Variants in CCDC33 observed in about 807,000 individuals in gnomAD.
CCDC33 encodes the protein coiled-coil domain-containing protein 33.
A neutral mutation model predicts 91.9 loss-of-function variants in CCDC33; 94 were observed. That is an observed-to-expected ratio of 1.02 (90% CI 0.87 to 1.21). The LOEUF is 1.21. Ranked by LOEUF, CCDC33 falls within the 50% of genes most tolerant of loss-of-function variation. The pLI is 0.00. For synonymous variants in CCDC33, 396 were observed against 374.5 expected (o/e 1.06, Z -0.66); for missense variants, 940 against 935.5 (o/e 1.00, Z -0.06).
intron 17 of CCDC33, among the ~76,000 whole-genome samples, chr15:74,334,498 C>A (rs536758608): frequency 6.9e-6 from 1 of 144,732 alleles, no homozygotes; most frequent in African/African-American, 2.9e-5. Context: ...CAGTATACAA[C>A]CAGGGTCAGG....
chr15:74,215,539 T>C (rs1020558949), upstream of CCDC33, among the ~76,000 whole-genome samples: 12 of 152,074 alleles, frequency 7.9e-5, no homozygotes, highest in African/African-American at 2.7e-4. Flanking sequence ...TGTATTTGAC[T>C]ACAATTTTTT....
chr15:74,240,141 G>A (rs890497437), intron 1 of CCDC33, among the ~76,000 whole-genome samples: 7 of 152,232 alleles, frequency 4.6e-5, no homozygotes, highest in African/African-American at 1.2e-4. Context: ...ACCAGGAGGC[G>A]CCAGCCTGGC....
chr15:74,312,235 G>A (rs374673438), intron 11 of CCDC33, among the ~76,000 whole-genome samples: 47 of 152,280 alleles, frequency 3.1e-4, no homozygotes, highest in Non-Finnish European at 5.4e-4. Context: ...GCCTCTGCTC[G>A]TTCCTCGGAG....
intron 8 of CCDC33, 61 bp from the exon 9 acceptor site, chr15:74,280,607 T>G: frequency 1.4e-6 from 2 of 1,421,016 alleles, no homozygotes; most frequent in Non-Finnish European, 1.9e-6. Context: ...ATGTCAGGTA[T>G]TAAAGGATGG....
intron 1 of CCDC33, chr15:74,243,667 C>T (rs1418910181): frequency 8.6e-6 from 4 of 466,346 alleles, no homozygotes; most frequent in Non-Finnish European, 1.3e-5. Flanking sequence ...GCAGAGGAGG[C>T]CACTCAGGGC....
In CCDC33 at chr15:74,209,631, C is replaced by A. The variant is rs2074339266; in HGVS notation, n.236+97C>A. ...GACAGGCTGGGGTTCTGGAGTCCTG[C>A]TCTTCACCCCAAGTACATGCCTGCA... On this transcript the variant is annotated intron_variant and non_coding_transcript_variant, in intron 2 of 3. Transcript: ENST00000558645. 15 of 595,362 alleles carry A rather than the reference C, an allele frequency of 2.5e-5. No individual in the cohort carries two copies. In the South Asian group the frequency reaches 2.5e-4, roughly 10 times the overall value. The allele number at this position is 595,362 out of a possible 1,614,324, so 36.9% of individuals were successfully genotyped here.
chr15:74,274,310 C>A (rs944914599), intron 7 of CCDC33, among the ~76,000 whole-genome samples: 2 of 151,954 alleles, frequency 1.3e-5, no homozygotes, highest in South Asian at 2.1e-4. Flanking sequence ...AGGGGAATAG[C>A]CAGATTGGTC....
intron 12 of CCDC33, 132 bp from the exon 13 acceptor site, chr15:74,330,531 G>T: frequency 1.9e-6 from 2 of 1,078,130 alleles, no homozygotes; most frequent in Non-Finnish European, 2.8e-6. Flanking sequence ...TCCTCTCAGG[G>T]ATGGGAAACA....
At chr15:74,332,939 G>A in intron 16 of CCDC33, 94 bp downstream of exon 16, 1 of 1,462,360 alleles carries the variant, frequency 6.8e-7, no homozygotes, top group Non-Finnish European at 9.2e-7. Context: ...AAGACCAGGA[G>A]CTAAGCTTCC....
intron 2 of CCDC33, among the ~76,000 whole-genome samples, chr15:74,260,786 C>T (rs963883823): frequency 1.5e-4 from 23 of 152,274 alleles, no homozygotes; most frequent in Non-Finnish European, 3.1e-4. Context: ...AATCACGCCA[C>T]GGCAAAGGGG....
At chr15:74,207,956 C>T (rs2074300137) in intron 1 of CCDC33, 14 of 1,441,076 alleles carry the variant, frequency 9.7e-6, no homozygotes, top group South Asian at 7.2e-5. Flanking sequence ...GTCTCTCTAC[C>T]TCCTACCTCC....
At position 74,332,858 on chromosome 15, in the gene CCDC33, T is replaced by C; in HGVS notation, c.1938+13T>C. 1 of 1,612,798 alleles carries C rather than the reference T, an allele frequency of 6.2e-7. No homozygotes were observed. The highest frequency in any genetic ancestry group is 1.3e-5 in the African/African-American group (1 of 75,022). Reference sequence around the variant, plus strand: ...ACAGGCCCTGCCGGTAAGAGGCCCTTGACCTGGGCCTGCCTATGCCGGTCA... The same window carrying C: ...ACAGGCCCTGCCGGTAAGAGGCCCTCGACCTGGGCCTGCCTATGCCGGTCA... On this transcript the variant is annotated intron_variant, in intron 16 of 18. Coordinates refer to ENST00000398814, the MANE Select transcript of CCDC33 (RefSeq NM_025055.5).
intron 2 of CCDC33, among the ~76,000 whole-genome samples, chr15:74,246,726 A>G (rs1365025983): frequency 6.6e-6 from 1 of 152,230 alleles, no homozygotes; most frequent in Admixed American, 6.5e-5. Flanking sequence ...GGGAATACGC[A>G]GTAAAATGGT....
At chr15:74,271,578 G>A (rs556751203) in intron 5 of CCDC33, 125 bp from the exon 6 acceptor site, 23 of 662,530 alleles carry the variant, frequency 3.5e-5, no homozygotes, top group African/African-American at 2.7e-4. Flanking sequence ...AGAAGCAGGT[G>A]TCAAGTGTGG....
At chr15:74,319,191 T>C (rs1351675720) in intron 11 of CCDC33, among the ~76,000 whole-genome samples, 1 of 152,178 alleles carries the variant, frequency 6.6e-6, no homozygotes, top group Non-Finnish European at 1.5e-5. Context: ...TTCTTCCCCT[T>C]TGGCAAGAAT....
chr15:74,251,508 GCATTGGCA>G (rs2075707673), intron 2 of CCDC33, among the ~76,000 whole-genome samples: 1 of 152,260 alleles, frequency 6.6e-6, no homozygotes, highest in African/African-American at 2.4e-5. Context: ...AGGGCTGCCA[GCATTGGCA>G]GCTGCTTCTT....
intron 11 of CCDC33, among the ~76,000 whole-genome samples, chr15:74,297,249 G>T (rs1596059531): frequency 6.6e-6 from 1 of 152,180 alleles, no homozygotes; most frequent in African/African-American, 2.4e-5. Context: ...GAGCCCTTGG[G>T]ATTAACATCC....
At chr15:74,220,167 G>A (rs1448855404) in intron 2 of CCDC33, among the ~76,000 whole-genome samples, 1 of 152,174 alleles carries the variant, frequency 6.6e-6, no homozygotes, top group African/African-American at 2.4e-5. Flanking sequence ...TTTAGGCCAA[G>A]TGATAGGGCA....
At chr15:74,334,258 C>G (rs952073413) in intron 17 of CCDC33, among the ~76,000 whole-genome samples, 1 of 151,268 alleles carries the variant, frequency 6.6e-6, no homozygotes, top group East Asian at 1.9e-4. Flanking sequence ...CAGTGTACAA[C>G]CAGGGTTAGG....
Sources: gnomAD v4.1 joint callset for allele counts (sites outside exome capture counted in the v4.1 genomes callset) on GRCh38, gnomAD v4.1.1 for gene constraint, MANE v1.5 for transcripts, NCBI Gene and HGNC (gene_info 2026-07-23, HGNC 2026-07-21) for gene names.